The following TMTC1 variants were observed in gnomAD, a reference collection of about 807,000 sequenced individuals.
The protein encoded by TMTC1 is transmembrane O-mannosyltransferase targeting cadherins 1, also known as protein O-mannosyl-transferase TMTC1.
TMTC1 carries 73 observed loss-of-function variants against 104.8 expected under a neutral mutation model. That is an observed-to-expected ratio of 0.70 (90% CI 0.58 to 0.85). The LOEUF is 0.85. Among genes scored for constraint, TMTC1 ranks in the 40% least tolerant of loss-of-function variants. TMTC1 has a pLI of 0.00. For synonymous variants in TMTC1, 434 were observed against 428.7 expected (o/e 1.01, Z -0.15); for missense variants, 1,035 against 1,096.1 (o/e 0.94, Z 0.79).
At chr12:29,604,350 C>G (rs1946642474) in intron 6 of TMTC1, 51 bp from the exon 7 acceptor site, 1 of 1,609,350 alleles carries the variant, frequency 6.2e-7, no homozygotes, top group African/African-American at 1.3e-5. Flanking sequence ...AATTCCACTT[C>G]AGGCAGCATT....
intron 2 of TMTC1, among the ~76,000 whole-genome samples, chr12:29,763,425 T>C (rs1162042694): frequency 6.6e-6 from 1 of 152,218 alleles, no homozygotes; most frequent in Admixed American, 6.5e-5. Flanking sequence ...CAGCCATTCA[T>C]TGTGATTCAA....
chr12:29,506,618 C>T lies in TMTC1; in HGVS notation c.*228G>A, dbSNP rs1331902052. 1 of 525,398 alleles carries T rather than the reference C, an allele frequency of 1.9e-6. No individual in the cohort carries two copies. Among genetic ancestry groups the T allele is most frequent in the Non-Finnish European group, 3.4e-6 (1 of 293,572 alleles). 32.5% of individuals were successfully genotyped at this position (525,398 alleles called of 1,614,324 possible). ...CTGTAAAATGTGTAAATGTCATTCT[C>T]CTTCCCTCTCAGACCTTCTTGCCCT... On this transcript the variant is annotated 3_prime_UTR_variant, in exon 18 of 18. Transcript: ENST00000539277.
intron 1 of TMTC1, among the ~76,000 whole-genome samples, chr12:29,778,831 G>A (rs1283604795): frequency 6.6e-6 from 1 of 152,194 alleles, no homozygotes; most frequent in Non-Finnish European, 1.5e-5. Context: ...ACTATTGCTG[G>A]GGCTGGTTAA....
In TMTC1 at chr12:29,505,159, T is replaced by G. The variant is rs1943670779; in HGVS notation, c.*1687A>C. ...TGCCTTCCGAAGAAGTTTTTCTTGT[T>G]TATTTAGACTTACCTTGACAAAACA... On this transcript the variant is annotated 3_prime_UTR_variant, in exon 18 of 18. Transcript: ENST00000539277. The G allele has an allele frequency of 6.6e-6, 1 of 152,212 alleles. No homozygotes were observed. The highest frequency in any genetic ancestry group is 1.5e-5 in the Non-Finnish European group (1 of 68,028). 9.4% of individuals were successfully genotyped at this position (152,212 alleles called of 1,614,324 possible). A position where few individuals can be genotyped will look rare whatever the true frequency, so the allele number is the denominator to read the frequency against.
At chr12:29,628,955 C>G (rs2136490126) in intron 6 of TMTC1, among the ~76,000 whole-genome samples, 1 of 152,212 alleles carries the variant, frequency 6.6e-6, no homozygotes. Context: ...AGAGACTGCG[C>G]CCGGCCTCAG....
In TMTC1 at chr12:29,502,047, A is replaced by G. The variant is rs1943606209; in HGVS notation, c.*4799T>C. The G allele has an allele frequency of 6.6e-6, 1 of 152,134 alleles. No homozygotes were observed. Among genetic ancestry groups the G allele is most frequent in the Admixed American group, 6.6e-5 (1 of 15,264 alleles). The allele number at this position is 152,134 out of a possible 1,614,324, so 9.4% of individuals were successfully genotyped here. On this transcript the variant is annotated 3_prime_UTR_variant, in exon 18 of 18. Coordinates refer to ENST00000539277, the MANE Select transcript of TMTC1 (RefSeq NM_001193451.2). Reference sequence around the variant, plus strand: ...TCATAAAATCTTATAATATTTCTCTATATTATTTTTTGACATCCTAAGCTT... The same window carrying G: ...TCATAAAATCTTATAATATTTCTCTGTATTATTTTTTGACATCCTAAGCTT...
chr12:29,783,483 T>C lies in TMTC1; in HGVS notation c.269A>G (p.Lys90Arg). ...GAGGACGCAGAGCGGCCGGTAGGAC[T>C]TGTGGCTGGTGTTCTCGGCCATGCC... ...GKGMAENTSH[K>R]SYRPLCVLTF... is the part of the protein sequence containing the mutation. Residue 90 changes from lysine (K) to arginine (R), a missense_variant, in exon 1 of 18, where the codon AAG (lysine) becomes AGG (arginine). Transcript: ENST00000539277. This position sits in a 1 kb window ranked among gnomAD's most constrained non-coding sequence, Gnocchi z 4.7. 2.9e-6 allele frequency: 4 copies of C among 1,363,750 alleles called. No individual in the cohort carries two copies. Among genetic ancestry groups the C allele is most frequent in the Non-Finnish European group, 3.8e-6 (4 of 1,052,392 alleles). The allele number at this position is 1,363,750 out of a possible 1,614,324, so 84.5% of individuals were successfully genotyped here. A position where few individuals can be genotyped will look rare whatever the true frequency, so the allele number is the denominator to read the frequency against.
chr12:29,759,717 C>CT lies in TMTC1; in HGVS notation c.481-941dup, dbSNP rs1457942919. On this transcript the variant is annotated intron_variant, in intron 2 of 17. Coordinates refer to ENST00000539277, the MANE Select transcript of TMTC1 (RefSeq NM_001193451.2). The stretch of plus-strand genomic sequence containing the variant: ...CTTGGAAAACTGGCTGACACCAGGG[C>CT]TGAGGCTGGGGAAATCCAAGAGGAG... 1.4e-4 allele frequency among the ~76,000 whole-genome samples: 21 copies of CT among 152,242 alleles called. No homozygotes were observed. In the East Asian group the frequency reaches 3.3e-3, roughly 24 times the overall value.
rs1173587857 is a variant in TMTC1 at position 29,709,789 on chromosome 12, G to A, written c.938+41877C>T. On this transcript the variant is annotated intron_variant, in intron 5 of 17. Transcript: ENST00000539277. The stretch of plus-strand genomic sequence containing the variant: ...TTTGTTTAATGCCTTTATATTTACA[G>A]GTGTTTTAAAAGGCTTTTAATAATT... Among the ~76,000 whole-genome samples the A allele has an allele frequency of 2.0e-5, 3 of 152,138 alleles. No individual in the cohort carries two copies. In the East Asian group the frequency reaches 5.8e-4, roughly 29 times the overall value.
At position 29,507,286 on chromosome 12, in the gene TMTC1, C is replaced by T. The variant is rs143773163; in HGVS notation, c.2509-300G>A. Reference sequence around the variant, plus strand: ...TGTGAGGTTACCATTTCCTGGTGTCCTCAGGGGGCTAGTACTGTTCCTTGT... The same window carrying T: ...TGTGAGGTTACCATTTCCTGGTGTCTTCAGGGGGCTAGTACTGTTCCTTGT... On this transcript the variant is annotated intron_variant, in intron 17 of 17. Transcript: ENST00000539277. Among the ~76,000 whole-genome samples, 70 of 152,152 alleles carry T rather than the reference C, an allele frequency of 4.6e-4. 1 individual carries two copies. Among genetic ancestry groups the T allele is most frequent in the African/African-American group, 1.7e-3 (69 of 41,508 alleles).
intron 9 of TMTC1, among the ~76,000 whole-genome samples, chr12:29,563,941 T>C (rs1036594631): frequency 2.0e-5 from 3 of 151,804 alleles, no homozygotes; most frequent in African/African-American, 7.3e-5. Flanking sequence ...CGAGGGCAAA[T>C]GAGAGGCGCC....
intron 6 of TMTC1, among the ~76,000 whole-genome samples, chr12:29,631,318 G>A (rs1337352743): frequency 6.6e-6 from 1 of 152,014 alleles, no homozygotes; most frequent in Non-Finnish European, 1.5e-5. Flanking sequence ...AGAAATATTT[G>A]CTTAAGTCAA....
intron 5 of TMTC1, among the ~76,000 whole-genome samples, chr12:29,705,313 A>G (rs1337081228): frequency 6.6e-6 from 1 of 152,226 alleles, no homozygotes; most frequent in African/African-American, 2.4e-5. Flanking sequence ...TGCTACTCCA[A>G]AATAAGCTGC....
intron 6 of TMTC1, among the ~76,000 whole-genome samples, chr12:29,618,881 T>G (rs1222355784): frequency 6.6e-6 from 1 of 152,242 alleles, no homozygotes; most frequent in Non-Finnish European, 1.5e-5. Context: ...CAAAAATATC[T>G]TCTGACATTT....
chr12:29,506,899 AT>A lies in TMTC1; in HGVS notation c.2595del (p.Lys865AsnfsTer5). ...DSKLLKENLA[K>X]LDRLEKRLQE... ...TGTAATCGTTTTTCTAGGCGATCCA[AT>A]TTGGCAAGATTTTCCTTCAGCAGTT... On this transcript the variant is annotated frameshift_variant, in exon 18 of 18. Transcript: ENST00000539277. LOFTEE classifies it high-confidence loss of function. 1 of 1,614,118 alleles carries A rather than the reference AT, an allele frequency of 6.2e-7. No homozygotes were observed. The highest frequency in any genetic ancestry group is 8.5e-7 in the Non-Finnish European group (1 of 1,179,998).
At chr12:29,653,157 G>A (rs961538795) in intron 5 of TMTC1, among the ~76,000 whole-genome samples, 5 of 151,914 alleles carry the variant, frequency 3.3e-5, no homozygotes, top group African/African-American at 4.8e-5. Context: ...GGATCCTAAC[G>A]GGTGTAGGAA....
At chr12:29,720,454 T>C (rs771529513) in intron 5 of TMTC1, among the ~76,000 whole-genome samples, 4 of 151,966 alleles carry the variant, frequency 2.6e-5, no homozygotes, top group Non-Finnish European at 4.4e-5. Flanking sequence ...GAAAGTAATA[T>C]AAAAAAGACC....
intron 5 of TMTC1, among the ~76,000 whole-genome samples, chr12:29,653,935 A>G (rs777037355): frequency 5.9e-5 from 9 of 152,246 alleles, no homozygotes; most frequent in Non-Finnish European, 8.8e-5. Context: ...TAAAAACATA[A>G]TCTTCATACA....
chr12:29,728,231 T>C (rs1191944327), intron 5 of TMTC1, among the ~76,000 whole-genome samples: 1 of 152,114 alleles, frequency 6.6e-6, no homozygotes, highest in Non-Finnish European at 1.5e-5. Context: ...AGCCAGATGC[T>C]GGGAGATCTC....
Sources: gnomAD v4.1 joint callset for allele counts (sites outside exome capture counted in the v4.1 genomes callset) on GRCh38, gnomAD v4.1.1 for gene constraint, Gnocchi (gnomAD v3.1) non-coding constraint, MANE v1.5 for transcripts, NCBI Gene and HGNC (gene_info 2026-07-23, HGNC 2026-07-21) for gene names.